CD6: variants seen among roughly 807,000 people sequenced by gnomAD.
The protein encoded by CD6 is CD6 molecule.
CD6 carries 53 observed loss-of-function variants against 75.3 expected under a neutral mutation model. That is an observed-to-expected ratio of 0.70 (90% CI 0.56 to 0.88). The LOEUF is 0.88. Among genes scored for constraint, CD6 ranks in the 40% least tolerant of loss-of-function variants. The pLI is 0.00. For synonymous variants in CD6, 359 were observed against 381.5 expected, an observed-to-expected ratio of 0.94 and a Z score of 0.69; for missense variants, 770 against 897.1, an observed-to-expected ratio of 0.86 and a Z score of 1.81.
chr11:60,980,901 G>A (rs1407807670), intron 1 of CD6, among the ~76,000 whole-genome samples: 2 of 152,232 alleles, frequency 1.3e-5, no homozygotes, highest in African/African-American at 4.8e-5. Context: ...ACCTGGAGGT[G>A]GGACAGCCTA....
At chr11:60,980,885 G>T (rs1369691123) in intron 1 of CD6, among the ~76,000 whole-genome samples, 1 of 152,140 alleles carries the variant, frequency 6.6e-6, no homozygotes, top group Non-Finnish European at 1.5e-5. Context: ...ACCCATTTGA[G>T]CAGAAACCTG....
At chr11:61,003,338 G>A (rs1164660815) in intron 1 of CD6, among the ~76,000 whole-genome samples, 1 of 152,138 alleles carries the variant, frequency 6.6e-6, no homozygotes, top group Non-Finnish European at 1.5e-5. Context: ...ATGAACCTTG[G>A]AACACATTCA....
chr11:61,019,899 A>G lies in CD6; in HGVS notation c.*581A>G. ...GTAACTGCACTTGGGCAGGGAATAT[A>G]GCCTTCCTGGGCACAACTAGCTGAC... On this transcript the variant is annotated 3_prime_UTR_variant, in exon 13 of 13. Transcript: ENST00000313421. The G allele has an allele frequency of 2.7e-6, 1 of 369,408 alleles. No individual in the cohort carries two copies. The highest frequency in any genetic ancestry group is 4.8e-6 in the Non-Finnish European group (1 of 208,248). 22.9% of individuals were successfully genotyped at this position (369,408 alleles called of 1,614,324 possible).
At chr11:60,996,577 G>A (rs1238508648) in intron 1 of CD6, among the ~76,000 whole-genome samples, 4 of 152,244 alleles carry the variant, frequency 2.6e-5, no homozygotes, top group Admixed American at 1.3e-4. Context: ...CGTAGCATTT[G>A]TCATCACTGC....
At chr11:61,006,775 C>A in intron 2 of CD6, 133 bp downstream of exon 2, 1 of 709,648 alleles carries the variant, frequency 1.4e-6, no homozygotes, top group Admixed American at 2.2e-5. Context: ...CTTCCTGACC[C>A]ATCACCTGAA....
At chr11:60,990,160 C>T (rs115954205) in intron 1 of CD6, among the ~76,000 whole-genome samples, 1,867 of 152,236 alleles carry the variant, frequency 0.012, 40 homozygotes, top group African/African-American at 0.043. Flanking sequence ...GTAGAATCTT[C>T]CAGACATTTC....
chr11:61,009,909 C>A, intron 5 of CD6, 35 bp downstream of exon 5: 2 of 1,516,018 alleles, frequency 1.3e-6, no homozygotes, highest in Non-Finnish European at 1.8e-6. Context: ...CAGATTTGAG[C>A]CAGAATTCTA....
At chr11:61,016,178 C>A (rs979484676) in intron 9 of CD6, among the ~76,000 whole-genome samples, 1 of 152,184 alleles carries the variant, frequency 6.6e-6, no homozygotes, top group Admixed American at 6.5e-5. Context: ...ACACAGTTGG[C>A]AGGGGTTCTC....
intron 1 of CD6, among the ~76,000 whole-genome samples, chr11:60,993,157 C>T (rs1230061437): frequency 2.0e-5 from 3 of 152,196 alleles, no homozygotes; most frequent in African/African-American, 7.2e-5. Context: ...TTTAGAGGAA[C>T]TCCTGTTACC....
At chr11:61,009,426 C>T in intron 4 of CD6, 146 bp from the exon 5 acceptor site, 1 of 726,864 alleles carries the variant, frequency 1.4e-6, no homozygotes, top group Non-Finnish European at 2.2e-6. Flanking sequence ...GGGCAGGTGA[C>T]AGGGGGACAC....
intron 6 of CD6, among the ~76,000 whole-genome samples, chr11:61,011,352 G>C (rs1358421658): frequency 6.6e-6 from 1 of 152,118 alleles, no homozygotes; most frequent in South Asian, 2.1e-4. Flanking sequence ...AGATCACTGA[G>C]TCCTGATACT....
intron 6 of CD6, 31 bp downstream of exon 6, chr11:61,011,166 C>G (rs761426204): frequency 7.4e-7 from 1 of 1,357,812 alleles, no homozygotes; most frequent in South Asian, 1.3e-5. Context: ...CGCGGTTTCT[C>G]AGAAGCTTGG....
intron 1 of CD6, among the ~76,000 whole-genome samples, chr11:60,990,576 G>A (rs1219392376): frequency 2.6e-5 from 4 of 152,034 alleles, no homozygotes; most frequent in African/African-American, 9.7e-5. Context: ...CTTAGAAAAT[G>A]TTTACACTTT....
intron 1 of CD6, among the ~76,000 whole-genome samples, chr11:60,999,505 G>A (rs1269919987): frequency 2.6e-5 from 4 of 151,594 alleles, no homozygotes; most frequent in East Asian, 3.9e-4. Flanking sequence ...GGGTGAGGAC[G>A]GGGACTGAAG....
intron 1 of CD6, among the ~76,000 whole-genome samples, chr11:60,991,300 G>A (rs575892279): frequency 5.3e-5 from 8 of 151,746 alleles, no homozygotes; most frequent in Admixed American, 2.0e-4. Flanking sequence ...GCAGGCATGC[G>A]CCACCATGCC....
intron 11 of CD6, 71 bp from the exon 12 acceptor site, chr11:61,018,218 G>C: frequency 7.2e-7 from 1 of 1,384,498 alleles, no homozygotes; most frequent in Non-Finnish European, 9.8e-7. Flanking sequence ...AGTCACGTGG[G>C]CCCCCCAGCT....
chr11:61,009,304 G>T (rs898760414), intron 4 of CD6, among the ~76,000 whole-genome samples: 64 of 152,146 alleles, frequency 4.2e-4, no homozygotes, highest in Non-Finnish European at 7.6e-4. Context: ...TTCTGATTCA[G>T]TAGGTCTGAG....
rs562981544 is a variant in CD6, at chr11:61,000,179, G to A, written c.50-6395G>A. ...ATCTAGTTCCAAAGCATGGACTTTA[G>A]TCTCCAGGCAGTATGGTACTTGAGA... On this transcript the variant is annotated intron_variant, in intron 1 of 12. Transcript: ENST00000313421. 3.9e-5 allele frequency among the ~76,000 whole-genome samples: 6 copies of A among 152,322 alleles called. No individual in the cohort carries two copies. The South Asian group carries it at 1.2e-3, about 32-fold the overall frequency.
At chr11:61,013,721 G>A (rs1346909692) in intron 7 of CD6, among the ~76,000 whole-genome samples, 158 bp downstream of exon 7, 1 of 152,200 alleles carries the variant, frequency 6.6e-6, no homozygotes, top group African/African-American at 2.4e-5. Flanking sequence ...CAGCAGTCAT[G>A]GACGCACCAG....
Sources: gnomAD v4.1 joint callset for allele counts (sites outside exome capture counted in the v4.1 genomes callset) on GRCh38, gnomAD v4.1.1 for gene constraint, MANE v1.5 for transcripts, NCBI Gene and HGNC (gene_info 2026-07-23, HGNC 2026-07-21) for gene names.